Variants in RHOQ observed in about 807,000 individuals in gnomAD.
RHOQ encodes ras homolog family member Q.
Under a neutral mutation model 25.8 loss-of-function variants are expected in RHOQ, and 7 were observed. The observed-to-expected ratio is 0.27, with a 90% CI of 0.15 to 0.51. The LOEUF is 0.51. RHOQ is among the 20% of genes least tolerant of loss of function. The pLI is 0.97. For missense variants in RHOQ, 165 were observed against 260.6 expected (o/e 0.63, Z 2.53); for synonymous variants, 97 against 98.6 (o/e 0.98, Z 0.10).
Position 46,566,663 on chromosome 2 carries a change from G to C in RHOQ, c.202-9424G>C, listed in dbSNP as rs904794318. 2.0e-5 allele frequency among the ~76,000 whole-genome samples: 3 copies of C among 152,072 alleles called. No homozygotes were observed. Among genetic ancestry groups the C allele is most frequent in the Admixed American group, 6.5e-5 (1 of 15,270 alleles). On this transcript the variant is annotated intron_variant, in intron 2 of 4. Coordinates refer to ENST00000238738, the MANE Select transcript of RHOQ (RefSeq NM_012249.4). The surrounding 1 kb of genome is among the most constrained non-coding windows in gnomAD (Gnocchi z 4.2). ...ACCTTTTAATGACTTTCCATTGCAGGTGGGCCCTGCAGAGGGGTCCAAGCT... is the reference window on the plus strand; with the variant it reads ...ACCTTTTAATGACTTTCCATTGCAGCTGGGCCCTGCAGAGGGGTCCAAGCT...
chr2:46,553,621 C>T (rs1668311514), intron 2 of RHOQ, among the ~76,000 whole-genome samples: 1 of 151,896 alleles, frequency 6.6e-6, no homozygotes, highest in Admixed American at 6.6e-5. Context: ...CGCTCTATCG[C>T]CCAGGCTGGA....
At chr2:46,545,353 A>G (rs987506150) in intron 2 of RHOQ, among the ~76,000 whole-genome samples, 1 of 152,028 alleles carries the variant, frequency 6.6e-6, no homozygotes, top group Non-Finnish European at 1.5e-5. Context: ...ACTTCTCACT[A>G]CCTTCCTTTC....
chr2:46,578,325 A>C (rs1479357486), intron 4 of RHOQ, among the ~76,000 whole-genome samples: 2 of 152,090 alleles, frequency 1.3e-5, no homozygotes, highest in African/African-American at 4.8e-5. Flanking sequence ...TGATCAAGCA[A>C]TTCCATATGT....
At chr2:46,567,480 A>G (rs1325810765) in intron 2 of RHOQ, among the ~76,000 whole-genome samples, 1 of 151,744 alleles carries the variant, frequency 6.6e-6, no homozygotes, top group Admixed American at 6.6e-5. Context: ...TGCAGCCTCA[A>G]TCTCCCAGGC....
intron 4 of RHOQ, chr2:46,580,202 T>TC (rs1455218871): frequency 1.3e-5 from 2 of 152,544 alleles, no homozygotes; most frequent in Non-Finnish European, 1.5e-5. Context: ...AAGCCTCTGT[T>TC]CCCTCTCTGC....
intron 2 of RHOQ, among the ~76,000 whole-genome samples, chr2:46,545,833 T>A (rs560754454): frequency 6.4e-4 from 97 of 152,260 alleles, no homozygotes; most frequent in Non-Finnish European, 1.2e-3. Flanking sequence ...AGAACTTAGA[T>A]CCAGAGTCAC....
intron 2 of RHOQ, among the ~76,000 whole-genome samples, chr2:46,567,338 C>T (rs1469203751): frequency 2.0e-5 from 3 of 151,750 alleles, no homozygotes; most frequent in Non-Finnish European, 4.4e-5. Flanking sequence ...TAGCCAGTGG[C>T]ATGTGGTTTT....
rs570004420 is a variant in RHOQ at position 46,542,709 on chromosome 2, C to G, written c.-338C>G. On this transcript the variant is annotated 5_prime_UTR_variant, in exon 1 of 5. Transcript: ENST00000238738. ...CCCTCCGCCGCCCTCCCCAAAGTTG[C>G]CGTCTCCCCCGGGGCCGGCCGGTCT... is the stretch of plus-strand genomic sequence containing the variant. 1.1e-4 allele frequency: 16 copies of G among 146,918 alleles called. No individual in the cohort carries two copies. The highest frequency in any genetic ancestry group is 3.4e-4 in the Admixed American group (5 of 14,804). The allele number at this position is 146,918 out of a possible 1,614,324, so 9.1% of individuals were successfully genotyped here.
At chr2:46,546,477 T>TCC in intron 2 of RHOQ, among the ~76,000 whole-genome samples, 1 of 5,598 alleles carries the variant, frequency 1.8e-4, no homozygotes, top group African/African-American at 5.1e-4. Flanking sequence ...TATATATGTG[T>TCC]ATATATATAT....
rs140719149 is a variant in RHOQ, at chr2:46,552,008, C to T, written c.201+8196C>T. Reference sequence around the variant, plus strand: ...GCTGTCGGACTTTAAGCCCTGGGTTCTTGATGTTAAGTCACTCTCCCTAAT... The same window carrying T: ...GCTGTCGGACTTTAAGCCCTGGGTTTTTGATGTTAAGTCACTCTCCCTAAT... On this transcript the variant is annotated intron_variant, in intron 2 of 4. Coordinates refer to ENST00000238738, the MANE Select transcript of RHOQ (RefSeq NM_012249.4). This position sits in a 1 kb window ranked among gnomAD's most constrained non-coding sequence, Gnocchi z 5.0. Among the ~76,000 whole-genome samples the T allele has an allele frequency of 6.6e-6, 1 of 152,318 alleles. No homozygotes were observed. Among genetic ancestry groups the T allele is most frequent in the East Asian group, 1.9e-4 (1 of 5,184 alleles).
At chr2:46,572,346 C>T (rs1901262) in intron 2 of RHOQ, among the ~76,000 whole-genome samples, 10,053 of 151,862 alleles carry the variant, frequency 0.066, 468 homozygotes, top group African/African-American at 0.14. Context: ...CAAGCAATCT[C>T]CCCACCTCGG....
chr2:46,548,557 G>A lies in RHOQ; in HGVS notation c.201+4745G>A, dbSNP rs1668144882. 6.6e-6 allele frequency among the ~76,000 whole-genome samples: 1 copy of A among 152,166 alleles called. No homozygotes were observed. The highest frequency in any genetic ancestry group is 6.5e-5 in the Admixed American group (1 of 15,280). ...ATTAGGAAAAAGGTTTTCTACTTTG[G>A]AGAAGGCCTGCAGGGAACATTAGTA... is the stretch of plus-strand genomic sequence containing the variant. On this transcript the variant is annotated intron_variant, in intron 2 of 4. Coordinates refer to ENST00000238738, the MANE Select transcript of RHOQ (RefSeq NM_012249.4). This position sits in a 1 kb window ranked among gnomAD's most constrained non-coding sequence, Gnocchi z 5.2.
intron 2 of RHOQ, among the ~76,000 whole-genome samples, chr2:46,558,363 C>A (rs1400068006): frequency 3.1e-4 from 47 of 152,208 alleles, no homozygotes. Context: ...TTGTAGGCAA[C>A]TTTTGGGATA....
Position 46,548,330 on chromosome 2 carries a change from G to A in RHOQ, c.201+4518G>A, listed in dbSNP as rs1482978055. ...AGAAGGGAATCTCCACCGGAGGCAG[G>A]CTTGGCATGCCCCACCTTCTGCATT... On this transcript the variant is annotated intron_variant, in intron 2 of 4. Transcript: ENST00000238738. The surrounding 1 kb of genome is among the most constrained non-coding windows in gnomAD (Gnocchi z 5.2). Among the ~76,000 whole-genome samples, 2 of 152,196 alleles carry A rather than the reference G, an allele frequency of 1.3e-5. No homozygotes were observed. Among genetic ancestry groups the A allele is most frequent in the East Asian group, 1.9e-4 (1 of 5,188 alleles).
chr2:46,571,328 C>T (rs1428001071), intron 2 of RHOQ, among the ~76,000 whole-genome samples: 3 of 152,250 alleles, frequency 2.0e-5, no homozygotes, highest in Non-Finnish European at 1.5e-5. Flanking sequence ...CACGTTCCCA[C>T]ACCAGCCTGC....
intron 2 of RHOQ, among the ~76,000 whole-genome samples, chr2:46,557,962 T>C (rs992691260): frequency 6.6e-6 from 1 of 152,242 alleles, no homozygotes; most frequent in Non-Finnish European, 1.5e-5. Flanking sequence ...AGCTGAGCCA[T>C]GTAGTGTACT....
intron 2 of RHOQ, among the ~76,000 whole-genome samples, chr2:46,559,130 T>A (rs1356475923): frequency 6.6e-6 from 1 of 152,064 alleles, no homozygotes. Flanking sequence ...GTTTTTTGTT[T>A]GTTTGTTTCT....
chr2:46,554,577 C>T (rs777362585), intron 2 of RHOQ, among the ~76,000 whole-genome samples: 2 of 152,142 alleles, frequency 1.3e-5, no homozygotes, highest in African/African-American at 2.4e-5. Flanking sequence ...AAATTAGTTC[C>T]AAAGCATCAG....
intron 2 of RHOQ, chr2:46,560,647 T>A (rs1356253921): frequency 4.4e-6 from 2 of 456,008 alleles, no homozygotes; most frequent in Non-Finnish European, 8.8e-6. Flanking sequence ...GGATCTGTTG[T>A]GTCCACTAGC....
Sources: allele counts gnomAD v4.1 joint callset (sites outside exome capture counted in the v4.1 genomes callset), GRCh38; gene constraint gnomAD v4.1.1; non-coding constraint Gnocchi (gnomAD v3.1); transcripts MANE v1.5; gene names NCBI Gene and HGNC (gene_info 2026-07-23, HGNC 2026-07-21).